The following BLTP3A variants were observed in gnomAD, a reference collection of about 807,000 sequenced individuals.
BLTP3A encodes ICBP90 binding protein 1.
chr6:34,792,158 G>A, the BLTP3A span: 1 of 1,249,148 alleles, frequency 8.0e-7, no homozygotes, highest in Non-Finnish European at 1.1e-6. Flanking sequence ...CGGTGCTCAC[G>A]CCGCGGCGAG....
chr6:34,858,292 T>C, the BLTP3A span: 1 of 1,614,058 alleles, frequency 6.2e-7, no homozygotes, highest in African/African-American at 1.3e-5. Flanking sequence ...GTTCTTTCAT[T>C]CCAATTATGA....
the BLTP3A span, among the ~76,000 whole-genome samples, chr6:34,805,170 T>A: frequency 6.6e-6 from 1 of 152,090 alleles, no homozygotes; most frequent in East Asian, 1.9e-4. Flanking sequence ...GGCACACACC[T>A]GTAGTCCCAG....
chr6:34,834,372 G>A, the BLTP3A span: 7 of 1,613,550 alleles, frequency 4.3e-6, no homozygotes, highest in Non-Finnish European at 5.1e-6. Context: ...AGTGACCTTC[G>A]CCTTACCCGC....
the BLTP3A span, among the ~76,000 whole-genome samples, chr6:34,824,684 G>A: frequency 6.8e-6 from 1 of 146,890 alleles, no homozygotes; most frequent in Admixed American, 6.8e-5. Context: ...CTTTTTTTTG[G>A]TTTTGAGACA....
chr6:34,803,818 T>C, the BLTP3A span, among the ~76,000 whole-genome samples: 3 of 152,152 alleles, frequency 2.0e-5, no homozygotes, highest in Non-Finnish European at 4.4e-5. Context: ...GAGGGAATAC[T>C]AGTTAATCCA....
chr6:34,853,890 A>G, the BLTP3A span, among the ~76,000 whole-genome samples: 1 of 152,116 alleles, frequency 6.6e-6, no homozygotes, highest in Non-Finnish European at 1.5e-5. Context: ...AGCAAAAGTT[A>G]AAGGTTATGT....
chr6:34,819,467 A>T, the BLTP3A span, among the ~76,000 whole-genome samples: 1 of 151,984 alleles, frequency 6.6e-6, no homozygotes, highest in Non-Finnish European at 1.5e-5. Flanking sequence ...TAGCTAAGAG[A>T]TATGTGGGCC....
chr6:34,827,946 A>G, the BLTP3A span, among the ~76,000 whole-genome samples: 1 of 152,254 alleles, frequency 6.6e-6, no homozygotes, highest in Non-Finnish European at 1.5e-5. Context: ...GCAATTTGAC[A>G]TACAGAAAGG....
chr6:34,844,365 C>G, the BLTP3A span, among the ~76,000 whole-genome samples: 1 of 152,158 alleles, frequency 6.6e-6, no homozygotes, highest in Non-Finnish European at 1.5e-5. Flanking sequence ...ACCTCTGCCT[C>G]TGGGGTTCAA....
the BLTP3A span, among the ~76,000 whole-genome samples, chr6:34,796,886 G>C: frequency 2.0e-5 from 3 of 152,164 alleles, no homozygotes; most frequent in African/African-American, 7.2e-5. Context: ...TGTATCTTTA[G>C]TAGAGATGGG....
At chr6:34,838,039 T>C in the BLTP3A span, among the ~76,000 whole-genome samples, 1 of 152,262 alleles carries the variant, frequency 6.6e-6, no homozygotes, top group East Asian at 1.9e-4. Context: ...AAGATGTGAA[T>C]GACTGTAGCT....
At chr6:34,848,635 G>A in the BLTP3A span, among the ~76,000 whole-genome samples, 1 of 151,096 alleles carries the variant, frequency 6.6e-6, no homozygotes, top group Non-Finnish European at 1.5e-5. Context: ...TAGCTATTCC[G>A]TCTCTTTTTT....
At chr6:34,857,952 T>C in the BLTP3A span, 1 of 1,597,978 alleles carries the variant, frequency 6.3e-7, no homozygotes, top group Non-Finnish European at 8.5e-7. Context: ...CCCCTGTTAG[T>C]AGCCACAGCT....
At chr6:34,834,651 TCC>T in the BLTP3A span, 8 of 1,571,102 alleles carry the variant, frequency 5.1e-6, no homozygotes, top group Admixed American at 1.1e-4. Context: ...CAGTCTTTTT[TCC>T]TTGGACTTCT....
At chr6:34,826,007 T>C in the BLTP3A span, among the ~76,000 whole-genome samples, 1 of 151,528 alleles carries the variant, frequency 6.6e-6, no homozygotes, top group African/African-American at 2.4e-5. Flanking sequence ...TACCATTTTA[T>C]ATTCTTTTTA....
At chr6:34,859,123 G>T in the BLTP3A span, 1 of 1,614,180 alleles carries the variant, frequency 6.2e-7, no homozygotes, top group Non-Finnish European at 8.5e-7. Flanking sequence ...TGCCTCATCA[G>T]ACCAGGGCCC....
At chr6:34,816,627 T>A in the BLTP3A span, among the ~76,000 whole-genome samples, 3 of 152,042 alleles carry the variant, frequency 2.0e-5, no homozygotes, top group African/African-American at 7.2e-5. Flanking sequence ...TAAAATAAAA[T>A]AAAAATGGCT....
chr6:34,845,409 G>A, the BLTP3A span, among the ~76,000 whole-genome samples: 1 of 151,982 alleles, frequency 6.6e-6, no homozygotes, highest in African/African-American at 2.4e-5. Context: ...TTTCTGCGAA[G>A]AATATCATTG....
the BLTP3A span, among the ~76,000 whole-genome samples, chr6:34,841,082 G>T: frequency 6.6e-6 from 1 of 151,792 alleles, no homozygotes; most frequent in Non-Finnish European, 1.5e-5. Flanking sequence ...TAATCTTCTC[G>T]CCTAAGCCGC....
Sources: allele counts gnomAD v4.1 joint callset (sites outside exome capture counted in the v4.1 genomes callset), GRCh38; gene constraint gnomAD v4.1.1; transcripts MANE v1.5; gene names NCBI Gene and HGNC (gene_info 2026-07-23, HGNC 2026-07-21).